The following ARHGAP15 variants were observed in gnomAD, a reference collection of about 807,000 sequenced individuals.
ARHGAP15 encodes the protein rho GTPase-activating protein 15.
ARHGAP15 carries 51 observed loss-of-function variants against 63.7 expected under a neutral mutation model. That is an observed-to-expected ratio of 0.80 (90% CI 0.64 to 1.01). ARHGAP15 has a LOEUF of 1.01. Among genes scored for constraint, ARHGAP15 ranks in the 50% least tolerant of loss-of-function variants. ARHGAP15 has a pLI of 0.00. For synonymous variants in ARHGAP15, 191 were observed against 193.8 expected (o/e 0.99, Z 0.12); for missense variants, 560 against 564.6 (o/e 0.99, Z 0.08).
chr2:143,133,684 G>T (rs1688998016), intron 1 of ARHGAP15, among the ~76,000 whole-genome samples: 2 of 151,996 alleles, frequency 1.3e-5, no homozygotes, highest in Admixed American at 1.3e-4. Context: ...GATATAGTGA[G>T]ATGGTTCAAA....
At chr2:143,366,411 A>G (rs552485658) in intron 6 of ARHGAP15, among the ~76,000 whole-genome samples, 8 of 152,228 alleles carry the variant, frequency 5.3e-5, no homozygotes, top group Admixed American at 3.3e-4. Flanking sequence ...CTTAGTTTCT[A>G]GTTAACAAAT....
intron 1 of ARHGAP15, among the ~76,000 whole-genome samples, chr2:143,144,198 T>C (rs1273321119): frequency 6.6e-6 from 1 of 152,062 alleles, no homozygotes; most frequent in Non-Finnish European, 1.5e-5. Context: ...ATGTCTTTGA[T>C]ACTGTGAATA....
intron 6 of ARHGAP15, among the ~76,000 whole-genome samples, chr2:143,313,669 C>A (rs919688492): frequency 6.6e-6 from 1 of 152,118 alleles, no homozygotes; most frequent in African/African-American, 2.4e-5. Flanking sequence ...GAGGTAGAGT[C>A]TATCTTTAGG....
chr2:143,269,150 T>C (rs1681145314), intron 6 of ARHGAP15, among the ~76,000 whole-genome samples: 1 of 152,152 alleles, frequency 6.6e-6, no homozygotes, highest in East Asian at 1.9e-4. Context: ...ATATAGAAAT[T>C]AAAAGCTTAT....
chr2:143,498,498 C>G (rs1231537941), intron 9 of ARHGAP15, among the ~76,000 whole-genome samples: 1 of 152,122 alleles, frequency 6.6e-6, no homozygotes, highest in East Asian at 1.9e-4. Flanking sequence ...TTTATCAAAG[C>G]ATTTTCTGGG....
At chr2:143,610,286 A>T (rs1166745125) in intron 11 of ARHGAP15, among the ~76,000 whole-genome samples, 1 of 152,206 alleles carries the variant, frequency 6.6e-6, no homozygotes, top group Non-Finnish European at 1.5e-5. Context: ...TATTCAAATG[A>T]ACGTATGGCT....
At chr2:143,439,433 A>AAAAAAC (rs1689769922) in intron 8 of ARHGAP15, among the ~76,000 whole-genome samples, 2 of 145,950 alleles carry the variant, frequency 1.4e-5, no homozygotes, top group African/African-American at 5.0e-5. Context: ...AAAAAAAAAA[A>AAAAAAC]AAAAAAAAAA....
At chr2:143,717,721 C>G (rs1459791711) in intron 13 of ARHGAP15, among the ~76,000 whole-genome samples, 3 of 152,160 alleles carry the variant, frequency 2.0e-5, no homozygotes, top group Non-Finnish European at 4.4e-5. Context: ...TATTGGCTCC[C>G]TACATCCTTG....
At chr2:143,247,533 T>C (rs540598418) in intron 5 of ARHGAP15, 1 of 152,240 alleles carries the variant, frequency 6.6e-6, no homozygotes, top group African/African-American at 2.4e-5. Context: ...CATTTTGAGA[T>C]TGACAAAGCT....
chr2:143,191,096 C>T (rs1174013827), intron 2 of ARHGAP15, among the ~76,000 whole-genome samples: 2 of 152,194 alleles, frequency 1.3e-5, no homozygotes, highest in Non-Finnish European at 2.9e-5. Flanking sequence ...ATTTCTTCTC[C>T]AAGAAACATT....
intron 6 of ARHGAP15, among the ~76,000 whole-genome samples, chr2:143,383,912 T>C (rs1687162261): frequency 6.6e-6 from 1 of 152,138 alleles, no homozygotes; most frequent in Non-Finnish European, 1.5e-5. Flanking sequence ...GAGTCTATGA[T>C]GAAATATTTA....
chr2:143,336,939 T>C (rs1314306447), intron 6 of ARHGAP15, among the ~76,000 whole-genome samples: 1 of 152,056 alleles, frequency 6.6e-6, no homozygotes, highest in Non-Finnish European at 1.5e-5. Flanking sequence ...AAGATTCCTA[T>C]CACCAAGGAG....
chr2:143,633,834 C>T (rs1680169789), intron 12 of ARHGAP15, among the ~76,000 whole-genome samples: 1 of 152,090 alleles, frequency 6.6e-6, no homozygotes, highest in Non-Finnish European at 1.5e-5. Context: ...TACACTGAGG[C>T]TTCTGCCTAA....
intron 9 of ARHGAP15, among the ~76,000 whole-genome samples, chr2:143,501,620 C>T (rs1289742746): frequency 6.6e-6 from 1 of 152,230 alleles, no homozygotes; most frequent in African/African-American, 2.4e-5. Flanking sequence ...CATGTACACA[C>T]TTGCATGCAT....
intron 6 of ARHGAP15, among the ~76,000 whole-genome samples, 186 bp downstream of exon 6, chr2:143,250,786 G>C (rs1680121247): frequency 6.6e-6 from 1 of 151,924 alleles, no homozygotes; most frequent in Admixed American, 6.6e-5. Flanking sequence ...CTGGCGACTG[G>C]TTGCTATCTA....
At chr2:143,334,907 C>G (rs1247886900) in intron 6 of ARHGAP15, among the ~76,000 whole-genome samples, 2 of 152,258 alleles carry the variant, frequency 1.3e-5, no homozygotes, top group Middle Eastern at 3.4e-3. Flanking sequence ...ATAATTGCTT[C>G]AGATCTCGAC....
At chr2:143,324,441 G>A (rs16822351) in intron 6 of ARHGAP15, among the ~76,000 whole-genome samples, 5 of 152,148 alleles carry the variant, frequency 3.3e-5, no homozygotes, top group Non-Finnish European at 7.4e-5. Flanking sequence ...AACATAGAAA[G>A]TCTGACATAT....
chr2:143,673,187 ATTAC>A (rs1682618166), intron 12 of ARHGAP15, among the ~76,000 whole-genome samples: 2 of 152,200 alleles, frequency 1.3e-5, no homozygotes, highest in Non-Finnish European at 2.9e-5. Flanking sequence ...AGCGTTTGAG[ATTAC>A]TTAAAGGTAA....
chr2:143,464,282 ATTC>A (rs1428994218), intron 8 of ARHGAP15, among the ~76,000 whole-genome samples: 1 of 152,192 alleles, frequency 6.6e-6, no homozygotes, highest in Non-Finnish European at 1.5e-5. Context: ...AAGGTCAATA[ATTC>A]TTTATTCCAT....
Sources: allele counts gnomAD v4.1 joint callset (sites outside exome capture counted in the v4.1 genomes callset), GRCh38; gene constraint gnomAD v4.1.1; transcripts MANE v1.5; gene names NCBI Gene and HGNC (gene_info 2026-07-23, HGNC 2026-07-21).